Variants in DOCK10 observed in about 807,000 individuals in gnomAD.
DOCK10 encodes the protein dedicator of cytokinesis protein 10.
DOCK10 carries 145 observed loss-of-function variants against 280.1 expected under a neutral mutation model. The observed-to-expected ratio is 0.52, with a 90% CI of 0.45 to 0.59. The LOEUF (loss-of-function observed/expected upper bound fraction) is 0.59. DOCK10 is among the 20% of genes least tolerant of loss of function. The pLI is 0.00. For missense variants in DOCK10, 2,368 were observed against 2,651.7 expected (o/e 0.89, Z 2.35); for synonymous variants, 915 against 942.2 (o/e 0.97, Z 0.53).
intron 1 of DOCK10, among the ~76,000 whole-genome samples, chr2:224,973,681 A>C (rs1375691648): frequency 6.6e-6 from 1 of 152,182 alleles, no homozygotes; most frequent in Non-Finnish European, 1.5e-5. Context: ...GTGTTGTTTA[A>C]AACTAAGTTC....
In DOCK10 at chr2:224,775,095, G is replaced by A; in HGVS notation, c.5823C>T (p.Asp1941=). ...TCACCTGGATGTAGGCATATTTGGG[G>A]TCCAAATCCTTGGGGTTTACCTGTG... is the stretch of plus-strand genomic sequence containing the variant. The part of the protein sequence containing the change: ...DSNKVNPKDL[D]PKYAYIQVTY... Residue 1941 remains aspartate, a synonymous_variant, in exon 52 of 56, where the codon GAC becomes GAT. Transcript: ENST00000258390. The A allele has an allele frequency of 1.2e-6, 2 of 1,613,970 alleles. No individual in the cohort carries two copies. The highest frequency in any genetic ancestry group is 1.1e-5 in the South Asian group (1 of 91,076).
At chr2:224,999,360 T>C (rs1471043483) in intron 1 of DOCK10, among the ~76,000 whole-genome samples, 1 of 152,106 alleles carries the variant, frequency 6.6e-6, no homozygotes, top group Non-Finnish European at 1.5e-5. Context: ...TTTAAACTTT[T>C]TGCAAACATC....
intron 11 of DOCK10, among the ~76,000 whole-genome samples, chr2:224,865,608 T>G (rs937696775): frequency 6.6e-6 from 1 of 152,156 alleles, no homozygotes; most frequent in Non-Finnish European, 1.5e-5. Context: ...CACAAAACAC[T>G]GTGGCAAGTA....
intron 1 of DOCK10, among the ~76,000 whole-genome samples, chr2:225,041,783 C>A (rs932664879): frequency 1.3e-5 from 2 of 152,120 alleles, no homozygotes; most frequent in Non-Finnish European, 2.9e-5. Flanking sequence ...GGGCGAGGAC[C>A]ACGGACTGCA....
At chr2:224,818,542 T>C (rs1170278837) in intron 29 of DOCK10, among the ~76,000 whole-genome samples, 2 of 151,828 alleles carry the variant, frequency 1.3e-5, no homozygotes. Context: ...GAGCTACAGG[T>C]GCCCGCAACC....
At chr2:224,985,173 CTT>C (rs989819263) in intron 1 of DOCK10, among the ~76,000 whole-genome samples, 8 of 152,252 alleles carry the variant, frequency 5.3e-5, no homozygotes, top group African/African-American at 1.7e-4. Context: ...TGTTCACTCT[CTT>C]GTCTGCCTTC....
chr2:224,921,112 A>AAAAAAAAAAATATATATATATAT, intron 2 of DOCK10, among the ~76,000 whole-genome samples: 1 of 54,414 alleles, frequency 1.8e-5, no homozygotes, highest in Non-Finnish European at 3.0e-5. Context: ...AAAAAAAAAA[A>AAAAAAAAAAATATATATATATAT]ATATATATAT....
chr2:224,862,739 T>G lies in DOCK10; in HGVS notation c.1610A>C (p.Gln537Pro), dbSNP rs547836691. 1.9e-6 allele frequency: 3 copies of G among 1,595,456 alleles called. No homozygotes were observed. The highest frequency in any genetic ancestry group is 2.6e-6 in the Non-Finnish European group (3 of 1,168,148). ...TTGTCTGTTGGATTTTAGTATCTTT[T>G]GTGCATACTAAAGAAAAAATAAATA... The part of the protein sequence containing the change: ...IKNPDSNKYA[Q>P]KILKSNRQFC... The change falls in exon 14 of 56, where the codon CAA becomes CCA. Residue 537 changes from glutamine to proline, a missense_variant. This residue lies in a region of DOCK10 where 1,209 missense variants were observed against 1,250.9 expected (regional missense o/e 0.97). Coordinates refer to ENST00000258390, the MANE Select transcript of DOCK10 (RefSeq NM_014689.3).
chr2:224,894,313 CT>C (rs1359629296), intron 4 of DOCK10, among the ~76,000 whole-genome samples: 1 of 152,120 alleles, frequency 6.6e-6, no homozygotes, highest in East Asian at 1.9e-4. Flanking sequence ...TGCTTTCTTT[CT>C]TTACAGCATC....
chr2:224,934,296 T>C (rs921252963), intron 1 of DOCK10, among the ~76,000 whole-genome samples: 2 of 152,198 alleles, frequency 1.3e-5, no homozygotes, highest in African/African-American at 4.8e-5. Context: ...TGGGGTTATT[T>C]TGACATGGAA....
chr2:225,035,299 A>G (rs1690189494), intron 1 of DOCK10, among the ~76,000 whole-genome samples: 1 of 151,818 alleles, frequency 6.6e-6, no homozygotes, highest in South Asian at 2.1e-4. Flanking sequence ...GAGGTCATGA[A>G]CCACATTATA....
chr2:224,845,552 T>C lies in DOCK10; in HGVS notation c.2326A>G (p.Asn776Asp), dbSNP rs772984127. The change falls in exon 20 of 56, where the codon AAT becomes GAT. Residue 776 changes from asparagine to aspartate, a missense_variant. Physicochemically the swap from Asn to Asp is conservative, Grantham distance 23. Around this residue, in one of 2 missense-constraint regions of DOCK10, gnomAD observed 1,209 missense variants for 1,250.9 expected, o/e 0.97. Coordinates refer to ENST00000258390, the MANE Select transcript of DOCK10 (RefSeq NM_014689.3). ...TCCAGAGCCTCCTTCTTTTTGGCAT[T>C]AGCTTTTGCATTGATGTCACAGGTG... ...HVTCDINAKA[N>D]AKKKEALETS... 6.2e-7 allele frequency: 1 copy of C among 1,613,242 alleles called. No homozygotes were observed. The highest frequency in any genetic ancestry group is 1.1e-5 in the South Asian group (1 of 90,714).
chr2:224,894,163 TTTA>T (rs1327774281), intron 4 of DOCK10, among the ~76,000 whole-genome samples: 9 of 152,368 alleles, frequency 5.9e-5, no homozygotes, highest in Admixed American at 5.9e-4. Context: ...GTTAATTTTT[TTTA>T]TTTCTTCTCA....
At chr2:224,894,450 C>T (rs1204719396) in intron 4 of DOCK10, among the ~76,000 whole-genome samples, 1 of 152,216 alleles carries the variant, frequency 6.6e-6, no homozygotes, top group Non-Finnish European at 1.5e-5. Flanking sequence ...ATCCTCTCAA[C>T]TTGAGATGCA....
At chr2:225,025,828 T>A (rs181025863) in intron 1 of DOCK10, among the ~76,000 whole-genome samples, 2,112 of 152,294 alleles carry the variant, frequency 0.014, 30 homozygotes, top group Middle Eastern at 0.034. Context: ...GAACATTTTT[T>A]AAAAACCATA....
At chr2:224,856,826 TTA>T (rs765257937) in intron 15 of DOCK10, 32 bp downstream of exon 15, 29 of 1,550,618 alleles carry the variant, frequency 1.9e-5, no homozygotes, top group Non-Finnish European at 2.5e-5. Context: ...CATGGCTGAT[TTA>T]TGTTAATTTC....
Position 224,770,499 on chromosome 2 carries a change from G to A in DOCK10, c.6305+46C>T, listed in dbSNP as rs190425827. On this transcript the variant is annotated intron_variant, in intron 54 of 55. Transcript: ENST00000258390. This position sits in a 1 kb window ranked among gnomAD's most constrained non-coding sequence, Gnocchi z 4.5. ...ATTCTTGGGGGATTGAGGACTCCCT[G>A]TCTCAGGAAGTTCAAGGAAGAACAT... 96 of 1,585,644 alleles carry A rather than the reference G, an allele frequency of 6.1e-5. No individual in the cohort carries two copies. The highest frequency in any genetic ancestry group is 7.9e-5 in the Non-Finnish European group (91 of 1,154,640).
chr2:224,957,287 C>CCCCA (rs1035207843), intron 1 of DOCK10, among the ~76,000 whole-genome samples: 1 of 143,192 alleles, frequency 7.0e-6, no homozygotes, highest in Non-Finnish European at 1.5e-5. Context: ...TACTTTCCGC[C>CCCCA]CCCCCCCGGC....
rs555941727 is a variant in DOCK10 at position 224,897,271 on chromosome 2, T to C, written c.334-894A>G. Among the ~76,000 whole-genome samples the C allele has an allele frequency of 2.0e-5, 3 of 152,316 alleles. No individual in the cohort carries two copies. The South Asian group carries it at 6.2e-4, about 32-fold the overall frequency. On this transcript the variant is annotated intron_variant, in intron 3 of 55. Transcript: ENST00000258390. ...TATTTTGTTTTATTTTATTTTTAAT[T>C]TTTGTGGGTACATTGCAGGTGTATA...
Sources: allele counts gnomAD v4.1 joint callset (sites outside exome capture counted in the v4.1 genomes callset), GRCh38; gene constraint gnomAD v4.1.1; regional missense constraint gnomAD v4.1.1; non-coding constraint Gnocchi (gnomAD v3.1); transcripts MANE v1.5; gene names NCBI Gene and HGNC (gene_info 2026-07-23, HGNC 2026-07-21).